Variants in GPM6A observed in about 807,000 individuals in gnomAD.
GPM6A encodes the protein neuronal membrane glycoprotein M6-a.
GPM6A carries 7 observed loss-of-function variants against 32.1 expected under a neutral mutation model. The observed-to-expected ratio is 0.22, with a 90% CI of 0.12 to 0.41. The LOEUF (loss-of-function observed/expected upper bound fraction) is 0.41. GPM6A is among the 10% of genes least tolerant of loss of function. GPM6A has a pLI of 1.00. For synonymous variants in GPM6A, 130 were observed against 123.4 expected, an observed-to-expected ratio of 1.05 and a Z score of -0.35; for missense variants, 235 against 347.2, an observed-to-expected ratio of 0.68 and a Z score of 2.57.
chr4:175,642,984 A>G (rs1030541744), intron 4 of GPM6A, among the ~76,000 whole-genome samples: 5 of 152,130 alleles, frequency 3.3e-5, no homozygotes, highest in Non-Finnish European at 7.4e-5. Context: ...AAATCTTACC[A>G]TTTGCTCAGT....
intron 2 of GPM6A, among the ~76,000 whole-genome samples, chr4:175,694,741 G>C (rs568335233): frequency 2.6e-5 from 4 of 152,308 alleles, no homozygotes; most frequent in African/African-American, 9.6e-5. Context: ...TGGAATTCAA[G>C]CAGGCTGCAG....
intron 1 of GPM6A, among the ~76,000 whole-genome samples, chr4:175,757,534 C>G (rs1732575255): frequency 6.6e-6 from 1 of 152,078 alleles, no homozygotes; most frequent in South Asian, 2.1e-4. Context: ...ATCAGTTACT[C>G]AAATGGGGAA....
intron 1 of GPM6A, among the ~76,000 whole-genome samples, chr4:175,894,505 G>A (rs924491671): frequency 1.3e-5 from 2 of 152,080 alleles, no homozygotes; most frequent in Admixed American, 1.3e-4. Context: ...TGCTTTTCAT[G>A]AAAAGAAAGA....
chr4:176,000,838 A>T (rs1456559797), intron 1 of GPM6A, among the ~76,000 whole-genome samples: 1 of 152,212 alleles, frequency 6.6e-6, no homozygotes, highest in Admixed American at 6.5e-5. Context: ...AATAAAAAAA[A>T]GAGCCTGAAA....
chr4:175,995,091 G>T (rs1436796694), intron 1 of GPM6A, among the ~76,000 whole-genome samples: 1 of 152,110 alleles, frequency 6.6e-6, no homozygotes, highest in African/African-American at 2.4e-5. Context: ...TACCACATCT[G>T]CAGTTACTTC....
chr4:176,000,157 C>A lies in GPM6A; in HGVS notation c.-23+2152G>T, dbSNP rs115689415. 4.9e-3 allele frequency among the ~76,000 whole-genome samples: 747 copies of A among 152,288 alleles called. 8 individuals carry two copies. Among genetic ancestry groups the A allele is most frequent in the African/African-American group, 0.017 (707 of 41,534 alleles). ...CTGGCTTCCTCACTTGCTTCCTCTA[C>A]TTCCATCTAAAGAGAGTTCAGGAAT... On this transcript the variant is annotated intron_variant, in intron 1 of 7. Transcript: ENST00000280187.
intron 1 of GPM6A, among the ~76,000 whole-genome samples, chr4:175,902,811 C>G (rs889152901): frequency 3.9e-5 from 6 of 152,026 alleles, no homozygotes; most frequent in African/African-American, 7.2e-5. Context: ...CTTAACGTCA[C>G]GCTGGTGTGT....
chr4:175,908,047 T>C (rs1374015218), intron 1 of GPM6A, among the ~76,000 whole-genome samples: 1 of 152,146 alleles, frequency 6.6e-6, no homozygotes, highest in Non-Finnish European at 1.5e-5. Context: ...AAAGACTGAA[T>C]GTGAGCAGAG....
At chr4:175,889,812 C>CAAAAAAAACA (rs1482764637) in intron 1 of GPM6A, among the ~76,000 whole-genome samples, 12 of 149,574 alleles carry the variant, frequency 8.0e-5, no homozygotes, top group Non-Finnish European at 1.5e-4. Flanking sequence ...GACTCCGTCT[C>CAAAAAAAACA]AAACAAAACA....
chr4:175,741,872 T>C (rs1161704122), intron 1 of GPM6A, among the ~76,000 whole-genome samples: 1 of 152,140 alleles, frequency 6.6e-6, no homozygotes, highest in Non-Finnish European at 1.5e-5. Flanking sequence ...AAATGTCTTC[T>C]TTTTTCCTTG....
intron 1 of GPM6A, among the ~76,000 whole-genome samples, chr4:175,904,746 T>G (rs1738077768): frequency 6.6e-6 from 1 of 152,146 alleles, no homozygotes; most frequent in Non-Finnish European, 1.5e-5. Flanking sequence ...AATTCCTGAG[T>G]GCTTTTGTCT....
chr4:175,966,012 G>A (rs559637683), intron 1 of GPM6A, among the ~76,000 whole-genome samples: 1 of 152,222 alleles, frequency 6.6e-6, no homozygotes, highest in South Asian at 2.1e-4. Flanking sequence ...AAATGAAATG[G>A]AACAATTCCT....
intron 2 of GPM6A, among the ~76,000 whole-genome samples, chr4:175,688,302 T>C (rs1327436663): frequency 1.3e-5 from 2 of 152,214 alleles, no homozygotes; most frequent in African/African-American, 4.8e-5. Context: ...TTTTCTCCTA[T>C]GTTTTCTTCT....
At chr4:175,710,275 G>A (rs1001893657) in intron 1 of GPM6A, among the ~76,000 whole-genome samples, 13 of 151,950 alleles carry the variant, frequency 8.6e-5, no homozygotes, top group African/African-American at 3.1e-4. Context: ...TGGAAAGATG[G>A]ATGCTGAGCT....
At chr4:175,821,277 T>C (rs2111349920) in intron 1 of GPM6A, among the ~76,000 whole-genome samples, 1 of 152,320 alleles carries the variant, frequency 6.6e-6, no homozygotes, top group Admixed American at 6.5e-5. Context: ...CCAATGATTT[T>C]CCTCTTTTGA....
intron 1 of GPM6A, among the ~76,000 whole-genome samples, chr4:175,852,526 C>CACAATT (rs1736291525): frequency 6.6e-6 from 1 of 152,112 alleles, no homozygotes; most frequent in Non-Finnish European, 1.5e-5. Flanking sequence ...AGTGAACTAG[C>CACAATT]CCTTTATTGT....
chr4:175,768,972 G>A (rs1402882277), intron 1 of GPM6A, among the ~76,000 whole-genome samples: 1 of 152,020 alleles, frequency 6.6e-6, no homozygotes, highest in African/African-American at 2.4e-5. Context: ...GTGGGCGCCT[G>A]TAATCCCAGC....
rs1196269269 is a variant in GPM6A, at chr4:175,852,947, C to A, written c.-22-40698G>T. ...GTCCAGCAAAATGTCTCAATCGATGCGCAATAAATATATTTTTTTCATTAA... is the reference window on the plus strand; with the variant it reads ...GTCCAGCAAAATGTCTCAATCGATGAGCAATAAATATATTTTTTTCATTAA... On this transcript the variant is annotated intron_variant, in intron 1 of 7. Transcript: ENST00000280187. Among the ~76,000 whole-genome samples the A allele has an allele frequency of 2.6e-5, 4 of 152,188 alleles. 1 individual carries two copies. The highest frequency in any genetic ancestry group is 4.1e-4 in the South Asian group (2 of 4,822).
At chr4:175,847,962 C>T (rs1423459565) in intron 1 of GPM6A, among the ~76,000 whole-genome samples, 2 of 152,244 alleles carry the variant, frequency 1.3e-5, no homozygotes, top group African/African-American at 2.4e-5. Flanking sequence ...TGTATCCCCA[C>T]GAATAAGGGG....
Sources: allele counts gnomAD v4.1 joint callset (sites outside exome capture counted in the v4.1 genomes callset), GRCh38; gene constraint gnomAD v4.1.1; transcripts MANE v1.5; gene names NCBI Gene and HGNC (gene_info 2026-07-23, HGNC 2026-07-21).